RHOBTB1: variants seen among roughly 807,000 people sequenced by gnomAD.
RHOBTB1 encodes Rho related BTB domain containing 1.
A neutral mutation model predicts 71.6 loss-of-function variants in RHOBTB1; 40 were observed. That is an observed-to-expected ratio of 0.56 (90% CI 0.43 to 0.73). The LOEUF (loss-of-function observed/expected upper bound fraction) is 0.73. Ranked by LOEUF, RHOBTB1 falls within the 30% of genes least tolerant of loss-of-function variation. RHOBTB1 has a pLI of 0.00. For missense variants in RHOBTB1, 797 were observed against 894.0 expected, an observed-to-expected ratio of 0.89 and a Z score of 1.38; for synonymous variants, 319 against 334.9, an observed-to-expected ratio of 0.95 and a Z score of 0.52.
At chr10:60,925,819 C>G (rs1299381724) in intron 2 of RHOBTB1, among the ~76,000 whole-genome samples, 1 of 152,080 alleles carries the variant, frequency 6.6e-6, no homozygotes, top group Admixed American at 6.5e-5. Flanking sequence ...AAGAAATGGA[C>G]AAATTCCTAG....
chr10:60,864,001 C>G, the RHOBTB1 span, among the ~76,000 whole-genome samples: 1,524 of 152,134 alleles, frequency 0.01, 28 homozygotes, highest in African/African-American at 0.035. Flanking sequence ...ATCCCCTCCC[C>G]CTCCACTGCC....
At chr10:60,970,040 C>T (rs1011492719) in intron 2 of RHOBTB1, among the ~76,000 whole-genome samples, 1 of 151,992 alleles carries the variant, frequency 6.6e-6, no homozygotes, top group Non-Finnish European at 1.5e-5. Context: ...AAAATCATTA[C>T]TCAAAGACTG....
intron 2 of RHOBTB1, among the ~76,000 whole-genome samples, chr10:60,971,648 G>T (rs1365308872): frequency 6.6e-6 from 1 of 152,122 alleles, no homozygotes; most frequent in Non-Finnish European, 1.5e-5. Flanking sequence ...AAGACTTCAT[G>T]ACTAAAACAC....
chr10:60,867,623 T>C (rs1035529653), downstream of RHOBTB1, among the ~76,000 whole-genome samples: 3 of 152,216 alleles, frequency 2.0e-5, no homozygotes, highest in Admixed American at 6.5e-5. Context: ...ATTACTTTCA[T>C]ATTTCATAGA....
chr10:60,999,072 C>G (rs970778599), intron 1 of RHOBTB1, among the ~76,000 whole-genome samples: 1 of 152,168 alleles, frequency 6.6e-6, no homozygotes, highest in African/African-American at 2.4e-5. Context: ...TCCGGAAATG[C>G]AAGCTCTTTT....
chr10:60,864,339 T>C, the RHOBTB1 span, among the ~76,000 whole-genome samples: 1 of 152,200 alleles, frequency 6.6e-6, no homozygotes, highest in African/African-American at 2.4e-5. Context: ...AATGTTATTA[T>C]TATTATGATG....
intron 2 of RHOBTB1, among the ~76,000 whole-genome samples, chr10:60,980,300 A>G (rs761891832): frequency 5.9e-5 from 9 of 152,246 alleles, no homozygotes; most frequent in Non-Finnish European, 1.2e-4. Flanking sequence ...AGAATTCAAT[A>G]CAAAAATCAA....
chr10:60,951,867 G>T (rs1450747114), intron 2 of RHOBTB1, among the ~76,000 whole-genome samples: 1 of 152,074 alleles, frequency 6.6e-6, no homozygotes, highest in Non-Finnish European at 1.5e-5. Context: ...GACCAGCCTG[G>T]TCAACATGAT....
At chr10:60,961,326 A>G (rs1372792170) in intron 2 of RHOBTB1, among the ~76,000 whole-genome samples, 1 of 152,186 alleles carries the variant, frequency 6.6e-6, no homozygotes. Flanking sequence ...TCCACTGCTT[A>G]CTAGCGGTAC....
intron 2 of RHOBTB1, among the ~76,000 whole-genome samples, chr10:60,938,797 C>G (rs2084745175): frequency 6.6e-6 from 1 of 152,042 alleles, no homozygotes; most frequent in Admixed American, 6.6e-5. Flanking sequence ...AATCCAAGCT[C>G]TGTTTCCTAG....
exon 1 of RHOBTB1, chr10:61,001,401 G>T (rs2135085176): frequency 6.6e-6 from 1 of 151,634 alleles, no homozygotes; most frequent in Non-Finnish European, 1.5e-5. Context: ...CGCGCTACCT[G>T]GGGACGCTGG....
Position 60,888,733 on chromosome 10 carries a change from T to G in RHOBTB1, c.935A>C (p.Glu312Ala). ...GAAATCTCTGCTCTGCTTCTCTTTCTCACAGGCTCCTTCACTCCCATTTGG... is the reference window on the plus strand; with the variant it reads ...GAAATCTCTGCTCTGCTTCTCTTTCGCACAGGCTCCTTCACTCCCATTTGG... ...ESPNGSEGACEKEKQSRDFQG... is the reference protein window; with the variant it reads ...ESPNGSEGACAKEKQSRDFQG... Residue 312 changes from glutamate to alanine, a missense_variant, in exon 6 of 11, where the codon GAG becomes GCG. Physicochemically the swap from Glu to Ala is moderately radical, Grantham distance 107. Transcript: ENST00000337910. The G allele has an allele frequency of 2.5e-6, 4 of 1,614,212 alleles. No individual in the cohort carries two copies. The South Asian group carries it at 4.4e-5, about 18-fold the overall frequency.
intron 1 of RHOBTB1, among the ~76,000 whole-genome samples, chr10:60,942,400 A>G (rs1238505240): frequency 6.6e-6 from 1 of 152,198 alleles, no homozygotes; most frequent in Non-Finnish European, 1.5e-5. Context: ...ATTTTACACT[A>G]TCTTCAAACT....
At chr10:60,963,105 A>G (rs1589426076) in intron 2 of RHOBTB1, among the ~76,000 whole-genome samples, 1 of 152,278 alleles carries the variant, frequency 6.6e-6, no homozygotes, top group Non-Finnish European at 1.5e-5. Flanking sequence ...ATCTTCATAA[A>G]CAAGTGATCA....
At position 60,874,999 on chromosome 10, in the gene RHOBTB1, G is replaced by A. The variant is rs146213407; in HGVS notation, c.1770C>T (p.Gly590=). 1.5e-4 allele frequency: 241 copies of A among 1,614,042 alleles called. No homozygotes were observed. In the African/African-American group the frequency reaches 1.7e-3, roughly 11 times the overall value. ...AGAGCACTTCTCCGTCAATGCCCAC[G>A]CCACTCGTGGCGGCTTTGGTCAACT... is the stretch of plus-strand genomic sequence containing the variant. ...VQELTKAATS[G]VGIDGEVLSY... Residue 590 remains glycine (G), a synonymous_variant, in exon 9 of 11, where the codon GGC becomes GGT. Coordinates refer to ENST00000337910, the MANE Select transcript of RHOBTB1 (RefSeq NM_014836.5).
chr10:60,990,536 A>T (rs528633573), intron 1 of RHOBTB1, among the ~76,000 whole-genome samples: 1 of 152,302 alleles, frequency 6.6e-6, no homozygotes, highest in South Asian at 2.1e-4. Context: ...TCTCCTGACC[A>T]GTATTCTCCA....
intron 2 of RHOBTB1, among the ~76,000 whole-genome samples, chr10:60,934,102 A>G (rs867448927): frequency 8.5e-5 from 13 of 152,216 alleles, no homozygotes; most frequent in Non-Finnish European, 1.5e-4. Context: ...TACAAAAAAG[A>G]GGGCAAGGAG....
intron 2 of RHOBTB1, among the ~76,000 whole-genome samples, chr10:60,956,906 T>C (rs916396136): frequency 1.3e-5 from 2 of 152,210 alleles, no homozygotes; most frequent in African/African-American, 4.8e-5. Context: ...AGAGTTTGAA[T>C]GCAAGGGAAA....
chr10:60,955,590 T>C (rs1453063351), intron 2 of RHOBTB1, among the ~76,000 whole-genome samples: 1 of 152,138 alleles, frequency 6.6e-6, no homozygotes, highest in Admixed American at 6.5e-5. Context: ...ATACTTCCAT[T>C]TGAATTGCCA....
Sources: gnomAD v4.1 joint callset for allele counts (sites outside exome capture counted in the v4.1 genomes callset) on GRCh38, gnomAD v4.1.1 for gene constraint, MANE v1.5 for transcripts, NCBI Gene and HGNC (gene_info 2026-07-23, HGNC 2026-07-21) for gene names.